The following CDK5RAP3 variants were observed in gnomAD, a reference collection of about 807,000 sequenced individuals.
CDK5RAP3 encodes CDK5 regulatory subunit-associated protein 3.
A neutral mutation model predicts 73.3 loss-of-function variants in CDK5RAP3; 58 were observed. That is an observed-to-expected ratio of 0.79 (90% confidence interval 0.64 to 0.98). The LOEUF (loss-of-function observed/expected upper bound fraction) is 0.98. CDK5RAP3 is among the 50% of genes least tolerant of loss of function. The probability of loss-of-function intolerance (pLI) is 0.00; values close to 1 mark genes in which losing one functional copy is unlikely to be tolerated. For missense variants in CDK5RAP3, 525 were observed against 615.8 expected (o/e 0.85, Z 1.56); for synonymous variants, 224 against 247.5 (o/e 0.91, Z 0.89).
Position 47,975,870 on chromosome 17 carries a change from C to T in CDK5RAP3, c.655C>T (p.Pro219Ser). The T allele has an allele frequency of 6.2e-7, 1 of 1,614,142 alleles. No homozygotes were observed. The highest frequency in any genetic ancestry group is 8.5e-7 in the Non-Finnish European group (1 of 1,180,048). Residue 219 changes from proline to serine, a missense_variant and splice_region_variant, in exon 8 of 14, where the codon CCC becomes TCC. Pro to Ser is a moderately conservative substitution (Grantham distance 74, BLOSUM62 -1). Coordinates refer to ENST00000338399, the MANE Select transcript of CDK5RAP3 (RefSeq NM_176096.3). Reference protein sequence around the residue: ...QASVGFVCESPTEQVLPMLRF... With the variant: ...QASVGFVCESSTEQVLPMLRF... ...AGTCAGTTGTGTGCTCTGTTGAAGC[C>T]CCACAGAGCAGGTGTTGCCAATGCT...
chr17:47,968,560 C>T (rs2144201417), upstream of CDK5RAP3, among the ~76,000 whole-genome samples: 1 of 152,308 alleles, frequency 6.6e-6, no homozygotes, highest in African/African-American at 2.4e-5. Context: ...CTCTGTCGCC[C>T]AGGCTGGAGT....
chr17:47,980,667 G>C lies in CDK5RAP3; in HGVS notation c.1152G>C (p.Gln384His). Residue 384 changes from glutamine (Q) to histidine (H), a missense_variant, in exon 12 of 14, where the codon CAG becomes CAC. Physicochemically the swap from Gln to His is conservative, Grantham distance 24. This residue lies in a region of CDK5RAP3 where 116 missense variants were observed against 186.1 expected (regional missense o/e 0.62). Transcript: ENST00000338399. ...EADVLSVSQF[Q>H]LAPAILQGQT... ...ATGTCCTGTCTGTGAGCCAGTTCCA[G>C]CTGGCTCCAGCCATCCTGCAGGGCC... 2 of 1,613,976 alleles carry C rather than the reference G, an allele frequency of 1.2e-6. No homozygotes were observed. Among genetic ancestry groups the C allele is most frequent in the Middle Eastern group, 1.7e-4 (1 of 5,992 alleles).
At chr17:47,971,592 A>G (rs1205448810) in intron 2 of CDK5RAP3, among the ~76,000 whole-genome samples, 185 bp downstream of exon 2, 1 of 152,246 alleles carries the variant, frequency 6.6e-6, no homozygotes, top group Non-Finnish European at 1.5e-5. Context: ...AACCATATGT[A>G]CAGTCTGTTT....
intron 8 of CDK5RAP3, among the ~76,000 whole-genome samples, 190 bp downstream of exon 8, chr17:47,976,203 G>T (rs1239028286): frequency 6.6e-6 from 1 of 152,132 alleles, no homozygotes; most frequent in African/African-American, 2.4e-5. Flanking sequence ...TGCCACAGAG[G>T]CTTTGCAAGG....
chr17:47,978,967 G>A (rs2036490398), intron 11 of CDK5RAP3, 50 bp downstream of exon 11: 1 of 1,449,854 alleles, frequency 6.9e-7, no homozygotes, highest in Non-Finnish European at 9.7e-7. Flanking sequence ...ACCAGCACAG[G>A]TGGCTTCACT....
chr17:47,970,989 T>G, upstream of CDK5RAP3: 1 of 1,483,560 alleles, frequency 6.7e-7, no homozygotes, highest in Non-Finnish European at 9.0e-7. Context: ...GCTTGAGGCC[T>G]GAGTGGAGCG....
At chr17:47,974,840 CTG>C (rs991089458) in intron 5 of CDK5RAP3, 2 of 1,260,268 alleles carry the variant, frequency 1.6e-6, no homozygotes, top group Non-Finnish European at 2.0e-6. Context: ...ACAGGACTAA[CTG>C]TGTTTGGGTT....
Position 47,981,446 on chromosome 17 carries a change from G to A in CDK5RAP3, c.1465G>A (p.Asp489Asn), listed in dbSNP as rs1021511395. The A allele has an allele frequency of 3.7e-6, 6 of 1,614,252 alleles. No individual in the cohort carries two copies. Among genetic ancestry groups the A allele is most frequent in the Non-Finnish European group, 5.1e-6 (6 of 1,180,044 alleles). ...GGTATCACTCTTTCAGATTGAAGCT[G>A]ACATCTCCAAGAGGTACAGCGGGCG... is the stretch of plus-strand genomic sequence containing the variant. ...TKELQKLIEA[D>N]ISKRYSGRPV... The change falls in exon 14 of 14, where the codon GAC (aspartate) becomes AAC (asparagine). Residue 489 changes from aspartate to asparagine, a missense_variant. Physicochemically the swap from Asp to Asn is conservative, Grantham distance 23. Around this residue, in one of 2 missense-constraint regions of CDK5RAP3, gnomAD observed 116 missense variants for 186.1 expected, o/e 0.62. Coordinates refer to ENST00000338399, the MANE Select transcript of CDK5RAP3 (RefSeq NM_176096.3).
chr17:47,976,231 G>A (rs558212638), intron 8 of CDK5RAP3, among the ~76,000 whole-genome samples: 16 of 152,290 alleles, frequency 1.1e-4, no homozygotes, highest in African/African-American at 3.1e-4. Context: ...CTTTGAACTC[G>A]GAACCTCCAT....
At chr17:47,978,739 G>T in intron 10 of CDK5RAP3, 90 bp from the exon 11 acceptor site, 2 of 975,390 alleles carry the variant, frequency 2.1e-6, no homozygotes, top group Non-Finnish European at 3.3e-6. Context: ...GAGTCTGTCC[G>T]TATTAATCCT....
Position 47,975,510 on chromosome 17 carries a change from C to T in CDK5RAP3, c.514-4C>T. 6.2e-7 allele frequency: 1 copy of T among 1,610,770 alleles called. No individual in the cohort carries two copies. The highest frequency in any genetic ancestry group is 8.5e-7 in the Non-Finnish European group (1 of 1,180,020). ...TTGGACTCCACCTCTTCTCCCCTCT[C>T]TAGGGCGAAAATGTCCGAGGAGAAC... On this transcript the variant is annotated splice_region_variant and splice_polypyrimidine_tract_variant and intron_variant, in intron 6 of 13. Transcript: ENST00000338399.
At position 47,975,582 on chromosome 17, in the gene CDK5RAP3, G is replaced by T; in HGVS notation, c.582G>T (p.Gly194=). 6.2e-7 allele frequency: 1 copy of T among 1,610,126 alleles called. No individual in the cohort carries two copies. The stretch of plus-strand genomic sequence containing the variant: ...TGCCGAGTCAGCTGGCTGAGATTGG[G>T]GCAGCGGCTCAGCAGTCCCTGGGGG... The part of the protein sequence containing the change: ...KDLPSQLAEI[G]AAAQQSLGEA... The change falls in exon 7 of 14, where the codon GGG becomes GGT. Residue 194 remains glycine (G), a synonymous_variant. Transcript: ENST00000338399.
chr17:47,973,496 T>C, intron 2 of CDK5RAP3, 23 bp from the exon 3 acceptor site: 1 of 1,609,102 alleles, frequency 6.2e-7, no homozygotes, highest in Admixed American at 1.7e-5. Context: ...GGGAATGCTC[T>C]AATTTGGGTG....
upstream of CDK5RAP3, chr17:47,970,956 A>G: frequency 6.9e-7 from 1 of 1,456,096 alleles, no homozygotes; most frequent in Non-Finnish European, 9.0e-7. Context: ...GAGCTCAGCC[A>G]TTCGGAGCCT....
chr17:47,978,227 G>A (rs563833366), intron 10 of CDK5RAP3, among the ~76,000 whole-genome samples: 2 of 151,972 alleles, frequency 1.3e-5, no homozygotes, highest in Admixed American at 6.6e-5. Context: ...GCACCACCAC[G>A]CACAGCTAAT....
intron 5 of CDK5RAP3, 26 bp downstream of exon 5, chr17:47,974,474 T>G: frequency 6.2e-7 from 1 of 1,614,094 alleles, no homozygotes; most frequent in South Asian, 1.1e-5. Flanking sequence ...CTGGGAGCCC[T>G]GGTATCCATG....
At chr17:47,980,925 A>G in intron 12 of CDK5RAP3, 127 bp downstream of exon 12, 3 of 1,033,718 alleles carry the variant, frequency 2.9e-6, no homozygotes, top group South Asian at 3.0e-5. Context: ...CACTGGGGAT[A>G]GGGGTTCTCT....
intron 7 of CDK5RAP3, 107 bp from the exon 8 acceptor site, chr17:47,975,762 C>A: frequency 6.3e-7 from 1 of 1,586,256 alleles, no homozygotes; most frequent in Non-Finnish European, 8.6e-7. Flanking sequence ...TCTTTACACA[C>A]CTGAACCTGT....
In CDK5RAP3 at chr17:47,976,807, G is replaced by A. The variant is rs146603580; in HGVS notation, c.894G>A (p.Pro298=). 483 of 1,607,276 alleles carry A rather than the reference G, an allele frequency of 3.0e-4. 3 individuals carry two copies. In the East Asian group the frequency reaches 8.8e-3, roughly 29 times the overall value. The stretch of plus-strand genomic sequence containing the variant: ...CTGGAATCGACTGGGGCATCTTCCC[G>A]GAATCAGATTCAAAGGTGAGGAGGC... ...EAAGIDWGIF[P]ESDSKDPGGD... is the part of the protein sequence containing the mutation. Residue 298 remains proline, a synonymous_variant, in exon 9 of 14, where the codon CCG becomes CCA. Coordinates refer to ENST00000338399, the MANE Select transcript of CDK5RAP3 (RefSeq NM_176096.3).
Sources: allele counts gnomAD v4.1 joint callset (sites outside exome capture counted in the v4.1 genomes callset), GRCh38; gene constraint gnomAD v4.1.1; regional missense constraint gnomAD v4.1.1; transcripts MANE v1.5; gene names NCBI Gene and HGNC (gene_info 2026-07-23, HGNC 2026-07-21).